CALCB: variants seen among roughly 807,000 people sequenced by gnomAD.
CALCB encodes calcitonin gene-related peptide 2.
Under a neutral mutation model 10.7 loss-of-function variants are expected in CALCB, and 8 were observed. The ratio of observed to expected loss-of-function variants is 0.75; its 90% CI spans 0.44 to 1.34. The LOEUF is 1.34. Among genes scored for constraint, CALCB ranks in the 40% most tolerant of loss-of-function variants. The pLI is 0.01. For synonymous variants in CALCB, 76 were observed against 66.9 expected (o/e 1.14, Z -0.66); for missense variants, 176 against 162.5 (o/e 1.08, Z -0.45).
chr11:15,078,282 T>C lies in CALCB; in HGVS notation c.*225T>C, dbSNP rs1333549247. 1 of 152,214 alleles carries C rather than the reference T, an allele frequency of 6.6e-6. No homozygotes were observed. The highest frequency in any genetic ancestry group is 1.5e-5 in the Non-Finnish European group (1 of 68,040). The allele number at this position is 152,214 out of a possible 1,614,324, so 9.4% of individuals were successfully genotyped here. A position where few individuals can be genotyped will look rare whatever the true frequency, so the allele number is the denominator to read the frequency against. On this transcript the variant is annotated 3_prime_UTR_variant, in exon 5 of 5. Transcript: ENST00000324229. ...CATCATTTTTATATTTAATTCTATG[T>C]CCAGTAAAAGTGATGGCATCTCTCA...
chr11:15,075,509 C>T (rs1009676183), intron 3 of CALCB, among the ~76,000 whole-genome samples: 2 of 152,168 alleles, frequency 1.3e-5, no homozygotes, highest in Admixed American at 6.5e-5. Flanking sequence ...GGTGTGGAAT[C>T]GTTCACTGTG....
At chr11:15,074,851 A>G (rs760025848) in intron 2 of CALCB, 47 bp downstream of exon 2, 2 of 1,528,292 alleles carry the variant, frequency 1.3e-6, no homozygotes, top group South Asian at 1.2e-5. Flanking sequence ...CACTGCCCCT[A>G]GGACCAGACA....
At chr11:15,076,299 A>G (rs1850393093) in intron 3 of CALCB, among the ~76,000 whole-genome samples, 1 of 152,190 alleles carries the variant, frequency 6.6e-6, no homozygotes, top group South Asian at 2.1e-4. Flanking sequence ...TCCTGGCAAG[A>G]ATAGGGACAT....
intron 3 of CALCB, among the ~76,000 whole-genome samples, chr11:15,076,536 A>G (rs1894129): frequency 0.99 from 151,093 of 152,350 alleles, 74,936 homozygotes; most frequent in Middle Eastern, 1. Context: ...TACTGAACAC[A>G]TTAGAGATAA....
chr11:15,074,791 G>A lies in CALCB; in HGVS notation c.73G>A (p.Ala25Thr). Residue 25 changes from alanine to threonine, a missense_variant, in exon 2 of 5, where the codon GCG becomes ACG. Ala to Thr is a moderately conservative substitution (Grantham distance 58). Coordinates refer to ENST00000324229, the MANE Select transcript of CALCB (RefSeq NM_000728.4). Reference protein sequence around the residue: ...LVLYQAGSLQAAPFRSALESS... With the variant: ...LVLYQAGSLQTAPFRSALESS... ...CCTGTACCAGGCGGGCAGCCTCCAGGCGGCGCCATTCAGGTGAGACAGCCT... is the reference window on the plus strand; with the variant it reads ...CCTGTACCAGGCGGGCAGCCTCCAGACGGCGCCATTCAGGTGAGACAGCCT... 1 of 1,613,918 alleles carries A rather than the reference G, an allele frequency of 6.2e-7. No homozygotes were observed. The highest frequency in any genetic ancestry group is 8.5e-7 in the Non-Finnish European group (1 of 1,179,874).
rs1272135443 is a variant in CALCB, at chr11:15,074,875, G to A, written c.86+71G>A. The stretch of plus-strand genomic sequence containing the variant: ...TAGGACCAGACAGCTCTGTGCCTCT[G>A]AAGTCACGCGTGGCTCCTGGTGAAT... On this transcript the variant is annotated intron_variant, in intron 2 of 4. Coordinates refer to ENST00000324229, the MANE Select transcript of CALCB (RefSeq NM_000728.4). 64 of 1,431,674 alleles carry A rather than the reference G, an allele frequency of 4.5e-5. 1 individual carries two copies. The highest frequency in any genetic ancestry group is 6.1e-5 in the Non-Finnish European group (63 of 1,031,462). 88.7% of individuals were successfully genotyped at this position (1,431,674 alleles called of 1,614,324 possible).
rs372815579 is a variant in CALCB, at chr11:15,075,138, A to T, written c.164A>T (p.Gln55Leu). Residue 55 changes from glutamine (Q) to leucine (L), a missense_variant, in exon 3 of 5, where the codon CAG becomes CTG. Gln to Leu is a moderately radical substitution (Grantham distance 113). Coordinates refer to ENST00000324229, the MANE Select transcript of CALCB (RefSeq NM_000728.4). ...DARLLLAALV[Q>L]DYVQMKASEL... Reference sequence around the variant, plus strand: ...CGCCTCCTGCTGGCTGCACTGGTGCAGGACTATGTGCAGATGAAGGCCAGT... The same window carrying T: ...CGCCTCCTGCTGGCTGCACTGGTGCTGGACTATGTGCAGATGAAGGCCAGT... 6.2e-7 allele frequency: 1 copy of T among 1,614,092 alleles called. No individual in the cohort carries two copies. Among genetic ancestry groups the T allele is most frequent in the African/African-American group, 1.3e-5 (1 of 74,948 alleles).
intron 1 of CALCB, among the ~76,000 whole-genome samples, chr11:15,074,069 C>T (rs1850372144): frequency 6.6e-6 from 1 of 152,254 alleles, no homozygotes; most frequent in African/African-American, 2.4e-5. Context: ...TGAGGCGCCT[C>T]CCTGGTGAGC....
chr11:15,077,211 A>G (rs1850403281), intron 3 of CALCB, 75 bp from the exon 4 acceptor site: 1 of 1,497,614 alleles, frequency 6.7e-7, no homozygotes, highest in South Asian at 1.2e-5. Flanking sequence ...GAAGTGTTGC[A>G]GTTCTCTTCA....
At chr11:15,077,518 T>C in intron 4 of CALCB, 48 bp downstream of exon 4, 1 of 1,563,426 alleles carries the variant, frequency 6.4e-7, no homozygotes, top group Non-Finnish European at 8.7e-7. Context: ...GACTTGGAGT[T>C]AAAACCTACA....
intron 3 of CALCB, among the ~76,000 whole-genome samples, chr11:15,075,757 C>T (rs1335487658): frequency 1.3e-5 from 2 of 152,148 alleles, no homozygotes; most frequent in Non-Finnish European, 2.9e-5. Flanking sequence ...GATGTGCAAG[C>T]TCTGTGGAGA....
chr11:15,076,163 C>T (rs1357024657), intron 3 of CALCB, among the ~76,000 whole-genome samples: 1 of 152,160 alleles, frequency 6.6e-6, no homozygotes, highest in Non-Finnish European at 1.5e-5. Context: ...ATGTCCTTCC[C>T]TTGCAGCTTG....
intron 1 of CALCB, among the ~76,000 whole-genome samples, chr11:15,074,298 C>T (rs1850374201): frequency 6.6e-6 from 1 of 152,240 alleles, no homozygotes; most frequent in African/African-American, 2.4e-5. Context: ...ATCCACCCTT[C>T]CCACCTTCCC....
intron 4 of CALCB, among the ~76,000 whole-genome samples, 170 bp from the exon 5 acceptor site, chr11:15,077,912 GT>G (rs1850410657): frequency 6.6e-6 from 1 of 152,254 alleles, no homozygotes; most frequent in African/African-American, 2.4e-5. Flanking sequence ...CATAAATGCT[GT>G]TTAAAGAAAC....
In CALCB at chr11:15,077,396, A is replaced by G. The variant is rs747902864; in HGVS notation, c.335A>G (p.Asn112Ser). Residue 112 changes from asparagine to serine, a missense_variant, in exon 4 of 5, where the codon AAT becomes AGT. Coordinates refer to ENST00000324229, the MANE Select transcript of CALCB (RefSeq NM_000728.4). ...GTGAAGAGCAACTTCGTGCCCACCA[A>G]TGTGGGTTCCAAAGCCTTTGGCAGG... ...GMVKSNFVPT[N>S]VGSKAFGRRR... The G allele has an allele frequency of 6.8e-6, 11 of 1,614,124 alleles. No homozygotes were observed. Among genetic ancestry groups the G allele is most frequent in the East Asian group, 6.7e-5 (3 of 44,892 alleles).
chr11:15,076,709 G>A (rs555482202), intron 3 of CALCB, among the ~76,000 whole-genome samples: 23 of 152,308 alleles, frequency 1.5e-4, no homozygotes, highest in African/African-American at 5.3e-4. Flanking sequence ...GGTGCTCATT[G>A]CTCTGGTCCA....
At chr11:15,074,563 T>G in intron 1 of CALCB, 147 bp from the exon 2 acceptor site, 1 of 628,468 alleles carries the variant, frequency 1.6e-6, no homozygotes, top group South Asian at 2.0e-5. Context: ...TCTCTTGAGA[T>G]TCACAGCAGC....
intron 3 of CALCB, 115 bp downstream of exon 3, chr11:15,075,313 G>T: frequency 6.5e-7 from 1 of 1,543,502 alleles, no homozygotes; most frequent in Non-Finnish European, 8.8e-7. Flanking sequence ...AAGCTGATTT[G>T]TCCAGCAGGC....
rs1379431083 is a variant in CALCB at position 15,078,231 on chromosome 11, A to G, written c.*174A>G. On this transcript the variant is annotated 3_prime_UTR_variant, in exon 5 of 5. Coordinates refer to ENST00000324229, the MANE Select transcript of CALCB (RefSeq NM_000728.4). ...TTGAAAGGAATGAAACTGAATGCAA[A>G]ATAAGCTAATTCCATATTTGCTGTG... 1 of 152,230 alleles carries G rather than the reference A, an allele frequency of 6.6e-6. No homozygotes were observed. The highest frequency in any genetic ancestry group is 1.5e-5 in the Non-Finnish European group (1 of 68,048). 9.4% of individuals were successfully genotyped at this position (152,230 alleles called of 1,614,324 possible).
Sources: gnomAD v4.1 joint callset for allele counts (sites outside exome capture counted in the v4.1 genomes callset) on GRCh38, gnomAD v4.1.1 for gene constraint, MANE v1.5 for transcripts, NCBI Gene and HGNC (gene_info 2026-07-23, HGNC 2026-07-21) for gene names.